Variants in AKAP13 observed in about 807,000 individuals in gnomAD.
AKAP13 encodes A-kinase anchor protein 13.
In AKAP13, 80 loss-of-function variants were observed where a neutral mutation model predicts 264.5. That is an observed-to-expected ratio of 0.30 (90% CI 0.25 to 0.36). The LOEUF is 0.36. Ranked by LOEUF, AKAP13 falls within the 10% of genes least tolerant of loss-of-function variation. The pLI, the probability that AKAP13 is intolerant of heterozygous loss-of-function variation, is 1.00. For missense variants in AKAP13, 3,712 were observed against 3,435.2 expected, an observed-to-expected ratio of 1.08 and a Z score of -2.01; for synonymous variants, 1,380 against 1,250.2, an observed-to-expected ratio of 1.10 and a Z score of -2.19.
At chr15:85,682,601 C>G (rs2084656125) in intron 15 of AKAP13, among the ~76,000 whole-genome samples, 2 of 152,102 alleles carry the variant, frequency 1.3e-5, no homozygotes, top group African/African-American at 4.8e-5. Flanking sequence ...CTATTTTAAG[C>G]TTTAAAGCTG....
chr15:85,698,893 G>A lies in AKAP13; in HGVS notation c.5464+5442G>A, dbSNP rs533278889. ...CAGGAGGCAGAGGTTGCAGTGAGCC[G>A]AGATCGAGCCCCTGCACTCCAGCCT... is the stretch of plus-strand genomic sequence containing the variant. On this transcript the variant is annotated intron_variant, in intron 17 of 36. Transcript: ENST00000394518. Among the ~76,000 whole-genome samples the A allele has an allele frequency of 2.8e-3, 383 of 137,022 alleles. 1 individual carries two copies. The highest frequency in any genetic ancestry group is 5.1e-3 in the Non-Finnish European group (325 of 64,254). 89.9% of individuals were successfully genotyped at this position (137,022 alleles called of 152,430 possible). A position where few individuals can be genotyped will look rare whatever the true frequency, so the allele number is the denominator to read the frequency against.
intron 1 of AKAP13, among the ~76,000 whole-genome samples, chr15:85,392,443 C>T (rs533275389): frequency 1.3e-4 from 20 of 151,052 alleles, no homozygotes; most frequent in South Asian, 2.1e-4. Flanking sequence ...TTAGTAGAGA[C>T]AGGGTTTCAC....
chr15:85,631,498 T>TCACACACA (rs1202064107), intron 8 of AKAP13, among the ~76,000 whole-genome samples: 164 of 66,536 alleles, frequency 2.5e-3, no homozygotes, highest in African/African-American at 7.7e-3. Flanking sequence ...TCTCTCTCTC[T>TCACACACA]CTCTCACACA....
At position 85,693,271 on chromosome 15, in the gene AKAP13, C is replaced by T. The variant is rs762235644; in HGVS notation, c.5290-6C>T. On this transcript the variant is annotated splice_region_variant and splice_polypyrimidine_tract_variant and intron_variant, in intron 16 of 36. Transcript: ENST00000394518. The stretch of plus-strand genomic sequence containing the variant: ...TAACTGTGGATTATTTTCTTTTCTT[C>T]GGCAGGAAAAGGAAAAAGAAAAAGA... 80 of 1,587,080 alleles carry T rather than the reference C, an allele frequency of 5.0e-5. 1 individual carries two copies. The highest frequency in any genetic ancestry group is 3.3e-4 in the Middle Eastern group (2 of 5,972).
chr15:85,724,926 A>G lies in AKAP13; in HGVS notation c.6746-1484A>G, dbSNP rs1408986957. ...ATGGTTCTGTGATAAACTTAAACTAAGGCTCCTTCCCTCCAGTCTTAATAT... is the reference window on the plus strand; with the variant it reads ...ATGGTTCTGTGATAAACTTAAACTAGGGCTCCTTCCCTCCAGTCTTAATAT... On this transcript the variant is annotated intron_variant, in intron 26 of 36. Transcript: ENST00000394518. This position sits in a 1 kb window ranked among gnomAD's most constrained non-coding sequence, Gnocchi z 4.2. Among the ~76,000 whole-genome samples the G allele has an allele frequency of 6.6e-6, 1 of 152,114 alleles. No homozygotes were observed. Among genetic ancestry groups the G allele is most frequent in the Admixed American group, 6.5e-5 (1 of 15,268 alleles).
intron 10 of AKAP13, among the ~76,000 whole-genome samples, chr15:85,646,225 A>G (rs1332758741): frequency 6.6e-6 from 1 of 152,148 alleles, no homozygotes; most frequent in East Asian, 1.9e-4. Flanking sequence ...CTGTAATCCC[A>G]ACACTTTGGG....
chr15:85,525,667 G>A (rs2077013503), intron 3 of AKAP13, among the ~76,000 whole-genome samples: 1 of 152,126 alleles, frequency 6.6e-6, no homozygotes, highest in Admixed American at 6.5e-5. Flanking sequence ...TCCCTTCATA[G>A]AAAACAAATA....
chr15:85,692,365 A>G (rs549387474), intron 16 of AKAP13, among the ~76,000 whole-genome samples: 4 of 152,336 alleles, frequency 2.6e-5, no homozygotes, highest in African/African-American at 9.6e-5. Context: ...TAATTGTCAT[A>G]TGTTTTAAAA....
intron 5 of AKAP13, among the ~76,000 whole-genome samples, chr15:85,560,579 C>T (rs909882288): frequency 6.6e-6 from 1 of 152,106 alleles, no homozygotes. Flanking sequence ...GTAGCTGATG[C>T]TCCATTTTGT....
rs1304904704 is a variant in AKAP13 at position 85,748,191 on chromosome 15, C to T, written c.*3514C>T. On this transcript the variant is annotated 3_prime_UTR_variant, in exon 37 of 37. Coordinates refer to ENST00000394518, the MANE Select transcript of AKAP13 (RefSeq NM_007200.5). ...TGAGGTTTACTCTAATGATGGTGGCCCAGCTGTGCCCAGAGGACAGCCAGG... is the reference window on the plus strand; with the variant it reads ...TGAGGTTTACTCTAATGATGGTGGCTCAGCTGTGCCCAGAGGACAGCCAGG... The T allele has an allele frequency of 6.6e-6, 1 of 151,010 alleles. No homozygotes were observed. Among genetic ancestry groups the T allele is most frequent in the East Asian group, 1.9e-4 (1 of 5,192 alleles). 9.4% of individuals were successfully genotyped at this position (151,010 alleles called of 1,614,324 possible). A position where few individuals can be genotyped will look rare whatever the true frequency, so the allele number is the denominator to read the frequency against.
chr15:85,413,058 C>G (rs1194191365), intron 1 of AKAP13, among the ~76,000 whole-genome samples: 1 of 152,186 alleles, frequency 6.6e-6, no homozygotes, highest in Non-Finnish European at 1.5e-5. Context: ...CGCTTTTCAT[C>G]AGGATGTTCT....
At position 85,735,564 on chromosome 15, in the gene AKAP13, C is replaced by A. The variant is rs201887818; in HGVS notation, c.7446C>A (p.Gly2482=). The change falls in exon 32 of 37, where the codon GGC becomes GGA. Residue 2482 remains glycine, a synonymous_variant. Coordinates refer to ENST00000394518, the MANE Select transcript of AKAP13 (RefSeq NM_007200.5). ...ACAACCCTATTTTTTGTTTAGGAGG[C>A]GAGAAGGAAGAGGGAGATGATGGCC... The part of the protein sequence containing the change: ...DSHQMNASKG[G]EKEEGDDGQD... 2 of 1,605,724 alleles carry A rather than the reference C, an allele frequency of 1.2e-6. No homozygotes were observed. Among genetic ancestry groups the A allele is most frequent in the East Asian group, 4.5e-5 (2 of 44,780 alleles).
chr15:85,652,476 TG>T (rs2082901737), intron 10 of AKAP13, among the ~76,000 whole-genome samples: 1 of 152,244 alleles, frequency 6.6e-6, no homozygotes, highest in South Asian at 2.1e-4. Flanking sequence ...AAGTCTTTTT[TG>T]TGTGTTTTAG....
intron 27 of AKAP13, among the ~76,000 whole-genome samples, 175 bp downstream of exon 27, chr15:85,726,661 A>C (rs1374751319): frequency 6.6e-6 from 1 of 152,104 alleles, no homozygotes; most frequent in East Asian, 1.9e-4. Flanking sequence ...TCTTCCCAAA[A>C]AATTATTATT....
chr15:85,472,056 A>C (rs4551990), intron 1 of AKAP13, among the ~76,000 whole-genome samples: 81,963 of 151,860 alleles, frequency 0.54, 22,824 homozygotes, highest in Admixed American at 0.64. Flanking sequence ...CAGGCCTTAC[A>C]CATTTCATTA....
chr15:85,497,892 T>G (rs2075917196), intron 2 of AKAP13, among the ~76,000 whole-genome samples: 1 of 151,540 alleles, frequency 6.6e-6, no homozygotes, highest in African/African-American at 2.4e-5. Flanking sequence ...AAATAAAGAG[T>G]AGAAGGAGAG....
intron 2 of AKAP13, chr15:85,520,528 T>C (rs950914853): frequency 3.4e-6 from 1 of 296,858 alleles, no homozygotes; most frequent in Admixed American, 4.5e-5. Flanking sequence ...AAAAAGCAAC[T>C]GAAAGACAAA....
chr15:85,485,052 C>T (rs948267167), intron 1 of AKAP13, among the ~76,000 whole-genome samples: 2 of 152,168 alleles, frequency 1.3e-5, no homozygotes, highest in African/African-American at 4.8e-5. Flanking sequence ...AGTCCTGGTC[C>T]AATCACCAAG....
rs988527846 is a variant in AKAP13, at chr15:85,594,203, A to G, written c.4161+8380A>G. Among the ~76,000 whole-genome samples, 5 of 152,322 alleles carry G rather than the reference A, an allele frequency of 3.3e-5. No homozygotes were observed. The South Asian group carries it at 6.2e-4, about 19-fold the overall frequency. ...CTCATTTAACTTTCCATGTCACTTTATGTTTACTGCAAGGGTGTACTAATT... is the reference window on the plus strand; with the variant it reads ...CTCATTTAACTTTCCATGTCACTTTGTGTTTACTGCAAGGGTGTACTAATT... On this transcript the variant is annotated intron_variant, in intron 8 of 36. Coordinates refer to ENST00000394518, the MANE Select transcript of AKAP13 (RefSeq NM_007200.5).
Sources: gnomAD v4.1 joint callset for allele counts (sites outside exome capture counted in the v4.1 genomes callset) on GRCh38, gnomAD v4.1.1 for gene constraint, Gnocchi (gnomAD v3.1) non-coding constraint, MANE v1.5 for transcripts, NCBI Gene and HGNC (gene_info 2026-07-23, HGNC 2026-07-21) for gene names.